SIMC1: variants seen among roughly 807,000 people sequenced by gnomAD.
SIMC1 encodes the protein SUMO interacting motifs containing 1, also known as SUMO-interacting motif-containing protein 1.
A neutral mutation model predicts 82.3 loss-of-function variants in SIMC1; 55 were observed. The observed-to-expected ratio is 0.67, with a 90% CI of 0.54 to 0.84. The LOEUF (loss-of-function observed/expected upper bound fraction) is 0.84. SIMC1 is among the 40% of genes least tolerant of loss of function. The pLI is 0.00. For missense variants in SIMC1, 915 were observed against 1,107.2 expected (o/e 0.83, Z 2.46); for synonymous variants, 353 against 426.3 (o/e 0.83, Z 2.12).
chr5:176,290,681 A>T lies in SIMC1; in HGVS notation c.1157A>T (p.Asp386Val). The change falls in exon 2 of 10, where the codon GAT becomes GTT. Residue 386 changes from aspartate (D) to valine (V), a missense_variant. Physicochemically the swap from Asp to Val is radical, Grantham distance 152. Transcript: ENST00000429602. Reference protein sequence around the residue: ...NDVQNRDMPMDISALSSPSCS... With the variant: ...NDVQNRDMPMVISALSSPSCS... The stretch of plus-strand genomic sequence containing the variant: ...GTACAGAACCGTGACATGCCTATGG[A>T]TATCTCAGCTCTGTCCTCTCCAAGC... The T allele has an allele frequency of 6.2e-7, 1 of 1,613,990 alleles. No homozygotes were observed. Among genetic ancestry groups the T allele is most frequent in the Non-Finnish European group, 8.5e-7 (1 of 1,179,896 alleles).
chr5:176,309,025 A>G (rs1409097733), intron 4 of SIMC1: 1 of 781,660 alleles, frequency 1.3e-6, no homozygotes, highest in South Asian at 1.4e-5. Context: ...GCAGGAGACA[A>G]AATGGAGAAA....
At chr5:176,260,792 A>G (rs892375566) in intron 1 of SIMC1, among the ~76,000 whole-genome samples, 56 of 152,206 alleles carry the variant, frequency 3.7e-4, no homozygotes, top group Non-Finnish European at 6.2e-4. Flanking sequence ...CAGAGATACA[A>G]TCTACTTCTG....
intron 1 of SIMC1, among the ~76,000 whole-genome samples, chr5:176,257,623 C>G (rs1761888230): frequency 6.6e-6 from 1 of 152,166 alleles, no homozygotes; most frequent in Admixed American, 6.5e-5. Flanking sequence ...ATACCTCCCA[C>G]CAGGCCCCAC....
chr5:176,260,743 G>C (rs900963345), intron 1 of SIMC1, among the ~76,000 whole-genome samples: 8 of 152,106 alleles, frequency 5.3e-5, no homozygotes, highest in Admixed American at 4.6e-4. Context: ...CCTAGTGTCT[G>C]AATCTCAGAA....
intron 1 of SIMC1, among the ~76,000 whole-genome samples, chr5:176,279,812 A>G (rs1348882531): frequency 6.6e-6 from 1 of 151,816 alleles, no homozygotes; most frequent in African/African-American, 2.4e-5. Flanking sequence ...CCTGAGTTCT[A>G]GTTTGATTGC....
intron 1 of SIMC1, among the ~76,000 whole-genome samples, chr5:176,280,988 A>G (rs1367671209): frequency 6.6e-6 from 1 of 152,114 alleles, no homozygotes; most frequent in African/African-American, 2.4e-5. Flanking sequence ...GCCTTGCTAG[A>G]TTGGGGAAGT....
intron 4 of SIMC1, among the ~76,000 whole-genome samples, chr5:176,300,030 G>GA (rs983428821): frequency 1.3e-5 from 2 of 151,866 alleles, no homozygotes; most frequent in South Asian, 2.1e-4. Context: ...ATGGTTCAGA[G>GA]AAAAAAAATC....
intron 1 of SIMC1, among the ~76,000 whole-genome samples, chr5:176,264,143 A>G (rs1457868719): frequency 6.6e-6 from 1 of 152,222 alleles, no homozygotes; most frequent in Non-Finnish European, 1.5e-5. Context: ...CACAGCCCAT[A>G]TGGCTACTCC....
intron 7 of SIMC1, among the ~76,000 whole-genome samples, chr5:176,336,327 C>G (rs1765891510): frequency 6.6e-6 from 1 of 152,130 alleles, no homozygotes; most frequent in Admixed American, 6.5e-5. Flanking sequence ...TTTGCATACC[C>G]CTTGCCCCTG....
intron 7 of SIMC1, among the ~76,000 whole-genome samples, chr5:176,331,367 C>CT (rs1765659863): frequency 2.9e-5 from 2 of 70,076 alleles, no homozygotes; most frequent in Admixed American, 3.3e-4. Context: ...GAGACTCTGT[C>CT]TAAAAAAAAA....
intron 1 of SIMC1, among the ~76,000 whole-genome samples, chr5:176,258,537 T>G (rs1244920316): frequency 1.3e-5 from 2 of 151,086 alleles, no homozygotes; most frequent in African/African-American, 4.9e-5. Flanking sequence ...AACGGATGGT[T>G]TTGGAAAAAT....
At chr5:176,325,870 A>G (rs1485931077) in intron 7 of SIMC1, among the ~76,000 whole-genome samples, 1 of 152,174 alleles carries the variant, frequency 6.6e-6, no homozygotes, top group East Asian at 1.9e-4. Flanking sequence ...GTGACACAAG[A>G]ATGAAAAGAG....
At position 176,324,634 on chromosome 5, in the gene SIMC1, T is replaced by G; in HGVS notation, c.2048T>G (p.Val683Gly). The change falls in exon 7 of 10, where the codon GTG (valine) becomes GGG (glycine). Residue 683 changes from valine to glycine, a missense_variant. Physicochemically the swap from Val to Gly is moderately radical, Grantham distance 109 (BLOSUM62 -3). Coordinates refer to ENST00000429602, the MANE Select transcript of SIMC1 (RefSeq NM_001308195.2). Reference sequence around the variant, plus strand: ...GTCCTATGTTCTGGACTCAGGATTGTGTGCCAGCTTCAGAGGATGCTCTCC... The same window carrying G: ...GTCCTATGTTCTGGACTCAGGATTGGGTGCCAGCTTCAGAGGATGCTCTCC... ...NLTKNTNQLI[V>G]CQLQRMLSIA... 3 of 1,611,452 alleles carry G rather than the reference T, an allele frequency of 1.9e-6. No individual in the cohort carries two copies. The highest frequency in any genetic ancestry group is 2.5e-6 in the Non-Finnish European group (3 of 1,178,884).
intron 1 of SIMC1, among the ~76,000 whole-genome samples, chr5:176,255,283 A>G (rs186950717): frequency 6.6e-6 from 1 of 151,214 alleles, no homozygotes; most frequent in Non-Finnish European, 1.5e-5. Flanking sequence ...TAAAAGTCAT[A>G]AAAACGTTAT....
Position 176,326,995 on chromosome 5 carries a change from A to G in SIMC1, c.2171+2238A>G, listed in dbSNP as rs142105755. Among the ~76,000 whole-genome samples, 10 of 152,326 alleles carry G rather than the reference A, an allele frequency of 6.6e-5. No individual in the cohort carries two copies. In the East Asian group the frequency reaches 1.9e-3, roughly 29 times the overall value. On this transcript the variant is annotated intron_variant, in intron 7 of 9. Transcript: ENST00000429602. ...CTGCTTAATCCCAAATTCAATATTCAAAGGAGGCAGTGTGTTGTACTGGTC... is the reference window on the plus strand; with the variant it reads ...CTGCTTAATCCCAAATTCAATATTCGAAGGAGGCAGTGTGTTGTACTGGTC...
chr5:176,332,953 A>T (rs967186476), intron 7 of SIMC1, among the ~76,000 whole-genome samples: 2 of 151,820 alleles, frequency 1.3e-5, no homozygotes, highest in African/African-American at 4.8e-5. Context: ...CCCTTTCTTA[A>T]CCCCTTTCAA....
chr5:176,280,927 AG>A (rs1254443589), intron 1 of SIMC1, among the ~76,000 whole-genome samples: 1 of 152,106 alleles, frequency 6.6e-6, no homozygotes, highest in Non-Finnish European at 1.5e-5. Flanking sequence ...GCTCTTCTCA[AG>A]GAGTATCTTT....
Position 176,303,537 on chromosome 5 carries a change from C to G in SIMC1, c.1734+7217C>G, listed in dbSNP as rs559122540. ...GTTTCTCCATGTTGATCAGGCTGGT[C>G]TCGAACTCCCGACCTCAGATGATCC... is the stretch of plus-strand genomic sequence containing the variant. On this transcript the variant is annotated intron_variant, in intron 4 of 9. Coordinates refer to ENST00000429602, the MANE Select transcript of SIMC1 (RefSeq NM_001308195.2). Among the ~76,000 whole-genome samples, 9 of 152,222 alleles carry G rather than the reference C, an allele frequency of 5.9e-5. No homozygotes were observed. The East Asian group carries it at 1.5e-3, about 26-fold the overall frequency.
chr5:176,331,606 C>A (rs1765674991), intron 7 of SIMC1, among the ~76,000 whole-genome samples: 1 of 151,398 alleles, frequency 6.6e-6, no homozygotes, highest in African/African-American at 2.4e-5. Flanking sequence ...TGAGCCACTG[C>A]ACCCAGCCCT....
Sources: allele counts gnomAD v4.1 joint callset (sites outside exome capture counted in the v4.1 genomes callset), GRCh38; gene constraint gnomAD v4.1.1; transcripts MANE v1.5; gene names NCBI Gene and HGNC (gene_info 2026-07-23, HGNC 2026-07-21).